UGT1A8: variants seen among roughly 807,000 people sequenced by gnomAD.
UGT1A8 encodes the protein UDP-glucuronosyltransferase 1A8.
In UGT1A8, 39 loss-of-function variants were observed where a neutral mutation model predicts 45.3. The observed-to-expected ratio is 0.86, with a 90% confidence interval of 0.67 to 1.12. UGT1A8 has a LOEUF of 1.12. Ranked by LOEUF, UGT1A8 falls within the 50% of genes most tolerant of loss-of-function variation. UGT1A8 has a pLI of 0.00. For missense variants in UGT1A8, 719 were observed against 664.9 expected (o/e 1.08, Z -0.90); for synonymous variants, 275 against 249.2 (o/e 1.10, Z -0.97).
chr2:233,661,389 G>C (rs1458375111), intron 1 of UGT1A8, among the ~76,000 whole-genome samples: 2 of 151,838 alleles, frequency 1.3e-5, no homozygotes, highest in Non-Finnish European at 2.9e-5. Context: ...GTTTTCACTT[G>C]GTTAAAAAAT....
Position 233,768,303 on chromosome 2 carries a change from A to C in UGT1A8, c.1159A>C (p.Met387Leu). The change falls in exon 4 of 5, where the codon ATG (methionine) becomes CTG (leucine). Residue 387 changes from methionine (M) to leucine (L), a missense_variant. Met to Leu is a conservative substitution (Grantham distance 15, BLOSUM62 2). Coordinates refer to ENST00000373450, the MANE Select transcript of UGT1A8 (RefSeq NM_019076.5). ...ESICNGVPMV[M>L]MPLFGDQMDN... ...CATATGCAATGGCGTTCCCATGGTG[A>C]TGATGCCCTTGTTTGGTGATCAGAT... 2 of 1,614,200 alleles carry C rather than the reference A, an allele frequency of 1.2e-6. No individual in the cohort carries two copies. Among genetic ancestry groups the C allele is most frequent in the Non-Finnish European group, 1.7e-6 (2 of 1,180,040 alleles).
rs944595786 is a variant in UGT1A8 at position 233,626,083 on chromosome 2, A to C, written c.855+7521A>C. Among the ~76,000 whole-genome samples, 2 of 152,028 alleles carry C rather than the reference A, an allele frequency of 1.3e-5. 1 individual carries two copies. Among genetic ancestry groups the C allele is most frequent in the Non-Finnish European group, 2.9e-5 (2 of 67,972 alleles). ...GAAGAGGTAGAGGAGGTGGAAGTGG[A>C]GGCAGGAGAGGCAGGTGCACTTGGT... On this transcript the variant is annotated intron_variant, in intron 1 of 4. Coordinates refer to ENST00000373450, the MANE Select transcript of UGT1A8 (RefSeq NM_019076.5).
At chr2:233,764,430 T>C (rs1698558125) in intron 1 of UGT1A8, among the ~76,000 whole-genome samples, 1 of 152,218 alleles carries the variant, frequency 6.6e-6, no homozygotes, top group African/African-American at 2.4e-5. Flanking sequence ...AATCTCCAGA[T>C]GAACTTTTGT....
intron 1 of UGT1A8, among the ~76,000 whole-genome samples, chr2:233,756,604 C>T (rs914908855): frequency 6.6e-6 from 1 of 152,112 alleles, no homozygotes; most frequent in South Asian, 2.1e-4. Flanking sequence ...TGTATCGAAA[C>T]CATTAAGACT....
intron 1 of UGT1A8, chr2:233,648,555 G>A (rs994113677): frequency 3.2e-4 from 57 of 178,356 alleles, no homozygotes; most frequent in Non-Finnish European, 5.5e-4. Flanking sequence ...GCACCTCCCG[G>A]GTTCACGCCA....
In UGT1A8 at chr2:233,655,418, A is replaced by C. The variant is rs550952113; in HGVS notation, c.855+36856A>C. 3.3e-5 allele frequency among the ~76,000 whole-genome samples: 5 copies of C among 152,266 alleles called. 1 individual carries two copies. The highest frequency in any genetic ancestry group is 1.2e-4 in the African/African-American group (5 of 41,550). The stretch of plus-strand genomic sequence containing the variant: ...GACAGCAGGTCACTGTCACTGGAGC[A>C]CTGGAAGCTGGCCACATCATTAGCA... On this transcript the variant is annotated intron_variant, in intron 1 of 4. Coordinates refer to ENST00000373450, the MANE Select transcript of UGT1A8 (RefSeq NM_019076.5).
intron 1 of UGT1A8, chr2:233,647,854 C>T (rs956235452): frequency 2.6e-5 from 34 of 1,283,288 alleles, no homozygotes; most frequent in Admixed American, 2.6e-4. Flanking sequence ...TTGGTTTTCT[C>T]CATTGTTTTT....
chr2:233,682,244 C>T (rs753185425), intron 1 of UGT1A8: 5 of 1,614,148 alleles, frequency 3.1e-6, no homozygotes, highest in Admixed American at 1.7e-5. Context: ...GGCACCATTG[C>T]GAAGTGCATT....
At position 233,703,223 on chromosome 2, in the gene UGT1A8, T is replaced by C. The variant is rs529821156; in HGVS notation, c.856-63811T>C. ...GTCAATTTTATCTAAGTTATCTAAT[T>C]CCTTGGCATAAAATGGCCCAGAGTG... is the stretch of plus-strand genomic sequence containing the variant. On this transcript the variant is annotated intron_variant, in intron 1 of 4. Coordinates refer to ENST00000373450, the MANE Select transcript of UGT1A8 (RefSeq NM_019076.5). Among the ~76,000 whole-genome samples the C allele has an allele frequency of 7.9e-5, 12 of 152,310 alleles. No homozygotes were observed. In the South Asian group the frequency reaches 2.5e-3, roughly 32 times the overall value.
At chr2:233,685,745 T>C (rs1337850077) in intron 1 of UGT1A8, among the ~76,000 whole-genome samples, 1 of 152,248 alleles carries the variant, frequency 6.6e-6, no homozygotes, top group Non-Finnish European at 1.5e-5. Context: ...CCATTTTTTC[T>C]TCCATTTTAA....
intron 1 of UGT1A8, chr2:233,721,912 C>A: frequency 2.3e-6 from 1 of 427,588 alleles, no homozygotes; most frequent in Non-Finnish European, 4.7e-6. Flanking sequence ...GTGCACACTG[C>A]TTCCATAAAG....
At chr2:233,646,899 A>G (rs2073620056) in intron 1 of UGT1A8, among the ~76,000 whole-genome samples, 1 of 152,164 alleles carries the variant, frequency 6.6e-6, no homozygotes, top group South Asian at 2.1e-4. Context: ...ACTGGTACCA[A>G]TTGACTGTAT....
intron 1 of UGT1A8, among the ~76,000 whole-genome samples, chr2:233,698,442 C>G (rs2075441449): frequency 1.3e-5 from 2 of 152,140 alleles, no homozygotes; most frequent in African/African-American, 4.8e-5. Flanking sequence ...GAAGATATAT[C>G]ACAGATCATA....
intron 1 of UGT1A8, among the ~76,000 whole-genome samples, chr2:233,685,222 G>A (rs989552534): frequency 5.9e-5 from 9 of 151,998 alleles, no homozygotes; most frequent in Non-Finnish European, 7.4e-5. Context: ...TAATAGAGAC[G>A]GGGTTTCACC....
At chr2:233,763,986 C>T (rs923828078) in intron 1 of UGT1A8, among the ~76,000 whole-genome samples, 3 of 152,116 alleles carry the variant, frequency 2.0e-5, no homozygotes, top group Non-Finnish European at 4.4e-5. Context: ...ACTGGGAATG[C>T]GTGATGGTGA....
rs956485327 is a variant in UGT1A8, at chr2:233,732,755, GTTTTTTT to G, written c.856-34269_856-34263del. On this transcript the variant is annotated intron_variant, in intron 1 of 4. Transcript: ENST00000373450. Reference sequence around the variant, plus strand: ...CAGGTAGCATGATGCCACCAGCTTTGTTTTTTTTTTTTTTTTGCTTAGGATTGTCTTG... The same window carrying G: ...CAGGTAGCATGATGCCACCAGCTTTGTTTTTTTTTGCTTAGGATTGTCTTG... Among the ~76,000 whole-genome samples the G allele has an allele frequency of 7.5e-5, 9 of 120,224 alleles. No individual in the cohort carries two copies. The East Asian group carries it at 1.2e-3, about 16-fold the overall frequency. 78.9% of individuals were successfully genotyped at this position (120,224 alleles called of 152,430 possible).
chr2:233,772,514 G>C lies in UGT1A8; in HGVS notation c.1548G>C (p.Gly516=). ...CTTATGGCTACCGGAAATGCTTGGGGAAAAAAGGGCGAGTTAAGAAAGCCC... is the reference window on the plus strand; with the variant it reads ...CTTATGGCTACCGGAAATGCTTGGGCAAAAAAGGGCGAGTTAAGAAAGCCC... ...CCAYGYRKCL[G]KKGRVKKAHK... Residue 516 remains glycine, a synonymous_variant, in exon 5 of 5, where the codon GGG becomes GGC. Transcript: ENST00000373450. The C allele has an allele frequency of 6.2e-7, 1 of 1,614,126 alleles. No individual in the cohort carries two copies. Among genetic ancestry groups the C allele is most frequent in the Non-Finnish European group, 8.5e-7 (1 of 1,180,014 alleles).
At chr2:233,741,718 G>C (rs530950175) in intron 1 of UGT1A8, 1 of 151,992 alleles carries the variant, frequency 6.6e-6, no homozygotes, top group South Asian at 2.1e-4. Flanking sequence ...GGGTTCTAGA[G>C]CATATCCAAA....
Position 233,740,237 on chromosome 2 carries a change from A to G in UGT1A8, c.856-26797A>G, listed in dbSNP as rs6746419. ...TCAGCTGCGTCTTTATAGCAGGCTG[A>G]GAATAGACTAATACAAGATTGGTGG... On this transcript the variant is annotated intron_variant, in intron 1 of 4. Transcript: ENST00000373450. 5.0e-3 allele frequency among the ~76,000 whole-genome samples: 755 copies of G among 151,996 alleles called. 33 individuals carry two copies. Among genetic ancestry groups the G allele is most frequent in the African/African-American group, 0.017 (720 of 41,218 alleles).
Sources: gnomAD v4.1 joint callset for allele counts (sites outside exome capture counted in the v4.1 genomes callset) on GRCh38, gnomAD v4.1.1 for gene constraint, MANE v1.5 for transcripts, NCBI Gene and HGNC (gene_info 2026-07-23, HGNC 2026-07-21) for gene names.